Variants in SNTG1 observed in about 807,000 individuals in gnomAD.
SNTG1 encodes the protein gamma-1-syntrophin.
Under a neutral mutation model 74.7 loss-of-function variants are expected in SNTG1, and 39 were observed. The observed-to-expected ratio is 0.52, with a 90% confidence interval of 0.40 to 0.68. The LOEUF (loss-of-function observed/expected upper bound fraction) is 0.68. Among genes scored for constraint, SNTG1 ranks in the 30% least tolerant of loss-of-function variants. The probability of loss-of-function intolerance (pLI) is 0.00; values close to 1 mark genes in which losing one functional copy is unlikely to be tolerated. For synonymous variants in SNTG1, 254 were observed against 217.1 expected (o/e 1.17, Z -1.49); for missense variants, 685 against 609.5 (o/e 1.12, Z -1.30).
chr8:50,147,234 G>A (rs2081904698), intron 1 of SNTG1, among the ~76,000 whole-genome samples: 1 of 152,040 alleles, frequency 6.6e-6, no homozygotes, highest in Non-Finnish European at 1.5e-5. Flanking sequence ...AAATCAACCA[G>A]GACATCAGGG....
rs2094319792 is a variant in SNTG1, at chr8:50,538,007, T to C, written c.680+1199T>C. On this transcript the variant is annotated intron_variant, in intron 11 of 18. Transcript: ENST00000642720. Reference sequence around the variant, plus strand: ...ACATTTCCAGCAAATACTGTTTTAGTTACTCCTGCAAGTTTAGCATTACCT... The same window carrying C: ...ACATTTCCAGCAAATACTGTTTTAGCTACTCCTGCAAGTTTAGCATTACCT... Among the ~76,000 whole-genome samples the C allele has an allele frequency of 2.0e-5, 3 of 152,208 alleles. No individual in the cohort carries two copies. In the South Asian group the frequency reaches 6.2e-4, roughly 31 times the overall value.
At chr8:50,479,525 C>T (rs2093723253) in intron 8 of SNTG1, among the ~76,000 whole-genome samples, 1 of 152,128 alleles carries the variant, frequency 6.6e-6, no homozygotes, top group Non-Finnish European at 1.5e-5. Context: ...TGACACTTTC[C>T]TCCACATTCT....
intron 18 of SNTG1, among the ~76,000 whole-genome samples, chr8:50,790,167 T>C (rs2095686892): frequency 6.6e-6 from 1 of 152,006 alleles, no homozygotes; most frequent in Non-Finnish European, 1.5e-5. Context: ...TTCTGACATA[T>C]TGTCCTTAAT....
chr8:50,292,611 G>A (rs747099961), intron 2 of SNTG1, among the ~76,000 whole-genome samples: 4 of 152,122 alleles, frequency 2.6e-5, no homozygotes, highest in Middle Eastern at 3.2e-3. Flanking sequence ...ACAAGCAAAG[G>A]CATGTGAAAG....
chr8:50,372,868 A>G (rs1416891039), intron 2 of SNTG1, among the ~76,000 whole-genome samples: 1 of 152,198 alleles, frequency 6.6e-6, no homozygotes, highest in Non-Finnish European at 1.5e-5. Flanking sequence ...TTTCGTATAC[A>G]AAAAATAACC....
At chr8:49,940,590 G>T (rs1361914864) in intron 1 of SNTG1, among the ~76,000 whole-genome samples, 3 of 152,138 alleles carry the variant, frequency 2.0e-5, no homozygotes, top group Non-Finnish European at 4.4e-5. Context: ...GAGACAATGT[G>T]TTCAACAGAT....
chr8:50,590,084 A>T (rs2094682044), intron 12 of SNTG1, among the ~76,000 whole-genome samples: 1 of 152,156 alleles, frequency 6.6e-6, no homozygotes. Flanking sequence ...AGTCAGTAGG[A>T]TAAAAGGGAA....
chr8:50,253,639 A>G lies in SNTG1; in HGVS notation c.-28+81004A>G, dbSNP rs2086743384. Among the ~76,000 whole-genome samples, 3 of 149,676 alleles carry G rather than the reference A, an allele frequency of 2.0e-5. No homozygotes were observed. The South Asian group carries it at 6.4e-4, about 32-fold the overall frequency. On this transcript the variant is annotated intron_variant, in intron 2 of 18. Transcript: ENST00000642720. ...TGTGGTGTGTGTGTGTGTGTTCCATATATACACACATATATATGTATACAC... is the reference window on the plus strand; with the variant it reads ...TGTGGTGTGTGTGTGTGTGTTCCATGTATACACACATATATATGTATACAC...
At chr8:50,398,557 A>G (rs1193862738) in intron 3 of SNTG1, among the ~76,000 whole-genome samples, 3 of 152,160 alleles carry the variant, frequency 2.0e-5, no homozygotes, top group African/African-American at 2.4e-5. Context: ...CCCTTCCCTC[A>G]TGAATATTAA....
At chr8:50,761,825 T>C (rs752520223) in intron 18 of SNTG1, among the ~76,000 whole-genome samples, 12 of 151,976 alleles carry the variant, frequency 7.9e-5, no homozygotes, top group Non-Finnish European at 1.5e-4. Context: ...TTGTGAAGAA[T>C]TCAAGAATGA....
chr8:50,772,157 A>G (rs920890478), intron 18 of SNTG1, among the ~76,000 whole-genome samples: 1 of 152,058 alleles, frequency 6.6e-6, no homozygotes, highest in Non-Finnish European at 1.5e-5. Flanking sequence ...AGAGCCACCA[A>G]CACCATGTAA....
chr8:50,204,966 T>C (rs968494384), intron 2 of SNTG1, among the ~76,000 whole-genome samples: 1 of 152,206 alleles, frequency 6.6e-6, no homozygotes, highest in Non-Finnish European at 1.5e-5. Context: ...ATCCAGTCTA[T>C]CATTGATGGA....
intron 2 of SNTG1, among the ~76,000 whole-genome samples, chr8:50,183,688 A>G (rs2083286334): frequency 6.6e-6 from 1 of 152,172 alleles, no homozygotes; most frequent in South Asian, 2.1e-4. Flanking sequence ...TTCCCCAAGT[A>G]GCAAAATATG....
intron 8 of SNTG1, among the ~76,000 whole-genome samples, chr8:50,484,632 G>C (rs1336562829): frequency 1.3e-5 from 2 of 151,760 alleles, no homozygotes; most frequent in African/African-American, 4.8e-5. Flanking sequence ...GGCCGAGGCA[G>C]GTGGATCATG....
In SNTG1 at chr8:50,717,218, CTT is replaced by C. The variant is rs751774013; in HGVS notation, c.1284+8242_1284+8243del. On this transcript the variant is annotated intron_variant, in intron 17 of 18. Coordinates refer to ENST00000642720, the MANE Select transcript of SNTG1 (RefSeq NM_018967.5). Reference sequence around the variant, plus strand: ...TGTCTTGTTTTCCTTCTCCTTAAATCTTTACTTTTTTATTCTTTCTTTCTGTG... The same window carrying C: ...TGTCTTGTTTTCCTTCTCCTTAAATCTACTTTTTTATTCTTTCTTTCTGTG... Among the ~76,000 whole-genome samples, 14 of 152,130 alleles carry C rather than the reference CTT, an allele frequency of 9.2e-5. No homozygotes were observed. The East Asian group carries it at 2.1e-3, about 23-fold the overall frequency.
At chr8:49,972,117 A>G (rs1009440832) in intron 1 of SNTG1, among the ~76,000 whole-genome samples, 15 of 152,304 alleles carry the variant, frequency 9.8e-5, no homozygotes, top group African/African-American at 3.4e-4. Flanking sequence ...TTCAAACTAT[A>G]CTACAAGGCC....
chr8:50,427,632 G>T (rs959143888), intron 4 of SNTG1, among the ~76,000 whole-genome samples: 27 of 152,084 alleles, frequency 1.8e-4, no homozygotes, highest in Non-Finnish European at 3.8e-4. Context: ...TCACAATGTT[G>T]CTTAGCCTGT....
intron 2 of SNTG1, among the ~76,000 whole-genome samples, chr8:50,369,739 G>A (rs748735718): frequency 6.6e-6 from 1 of 152,150 alleles, no homozygotes; most frequent in Non-Finnish European, 1.5e-5. Flanking sequence ...ACTTGATCTT[G>A]GACTTCCAGC....
At chr8:50,506,928 A>G (rs1034776216) in intron 9 of SNTG1, among the ~76,000 whole-genome samples, 2 of 152,124 alleles carry the variant, frequency 1.3e-5, no homozygotes, top group African/African-American at 4.8e-5. Flanking sequence ...ATTATTCAGT[A>G]TAATGTTAGC....
Sources: gnomAD v4.1 joint callset for allele counts (sites outside exome capture counted in the v4.1 genomes callset) on GRCh38, gnomAD v4.1.1 for gene constraint, MANE v1.5 for transcripts, NCBI Gene and HGNC (gene_info 2026-07-23, HGNC 2026-07-21) for gene names.